GORAB: variants seen among roughly 807,000 people sequenced by gnomAD.
The protein encoded by GORAB is RAB6-interacting golgin.
GORAB carries 17 observed loss-of-function variants against 29.9 expected under a neutral mutation model. The ratio of observed to expected loss-of-function variants is 0.57; its 90% CI spans 0.39 to 0.85. The LOEUF (loss-of-function observed/expected upper bound fraction) is 0.85, where lower values mean the gene tolerates loss of function less well. Ranked by LOEUF, GORAB falls within the 40% of genes least tolerant of loss-of-function variation. The pLI, the probability that GORAB is intolerant of heterozygous loss-of-function variation, is 0.00. For missense variants in GORAB, 442 were observed against 437.8 expected (o/e 1.01, Z -0.09); for synonymous variants, 183 against 157.2 (o/e 1.16, Z -1.23).
intron 1 of GORAB, chr1:170,533,509 G>A (rs761524859): frequency 2.2e-6 from 1 of 452,556 alleles, no homozygotes; most frequent in South Asian, 1.6e-5. Flanking sequence ...AGACTCATGA[G>A]GAGACAAACC....
chr1:170,539,392 TC>T lies in GORAB; in HGVS notation c.248del (p.Pro83LeufsTer73). On this transcript the variant is annotated frameshift_variant, in exon 2 of 5. Transcript: ENST00000367763. LOFTEE classifies it high-confidence loss of function. Reference protein sequence around the residue: ...RVNVQKPPFSSPTLPSHFTLT... With the variant: ...RVNVQKPPFSXPTLPSHFTLT... ...TAACGTTCAAAAACCACCTTTTTCT[TC>T]CCCTACTCTTCCGAGTCATTTCACT... 6.2e-7 allele frequency: 1 copy of T among 1,614,082 alleles called. No homozygotes were observed. The highest frequency in any genetic ancestry group is 8.5e-7 in the Non-Finnish European group (1 of 1,180,006).
At position 170,541,890 on chromosome 1, in the gene GORAB, A is replaced by C. The variant is rs941168859; in HGVS notation, c.420-601A>C. On this transcript the variant is annotated intron_variant, in intron 2 of 4. Transcript: ENST00000367763. ...CACTTAGGGAGGCAGAGGCGGGAGG[A>C]TAGCTTGAGCCTAGGAGTTCGAGAC... 2.0e-5 allele frequency among the ~76,000 whole-genome samples: 3 copies of C among 152,224 alleles called. No individual in the cohort carries two copies. In the South Asian group the frequency reaches 6.2e-4, roughly 32 times the overall value.
rs1167443602 is a variant in GORAB, at chr1:170,553,124, G to A, written c.*662G>A. ...CACACACACTTATATATAAACACAT[G>A]TAATTTTACTATTTTATTGTCTTTC... On this transcript the variant is annotated 3_prime_UTR_variant, in exon 5 of 5. Transcript: ENST00000367763. 2 of 441,184 alleles carry A rather than the reference G, an allele frequency of 4.5e-6. No homozygotes were observed. Among genetic ancestry groups the A allele is most frequent in the East Asian group, 7.0e-5 (1 of 14,300 alleles). The allele number at this position is 441,184 out of a possible 1,614,324, so 27.3% of individuals were successfully genotyped here. A position where few individuals can be genotyped will look rare whatever the true frequency, so the allele number is the denominator to read the frequency against.
chr1:170,548,604 T>G (rs1252266561), intron 4 of GORAB, among the ~76,000 whole-genome samples: 1 of 152,218 alleles, frequency 6.6e-6, no homozygotes, highest in Non-Finnish European at 1.5e-5. Context: ...AAATGGTGTT[T>G]TCAGTCTTCT....
chr1:170,552,059 T>G lies in GORAB; in HGVS notation c.707T>G (p.Leu236Arg). ...RAEAEYIAAK[L>R]DIQRKTEIKE... ...GAAGCAGAGTACATTGCAGCAAAGC[T>G]AGATATACAGCGCAAGACTGAGATA... Residue 236 changes from leucine (L) to arginine (R), a missense_variant, in exon 5 of 5, where the codon CTA becomes CGA. Coordinates refer to ENST00000367763, the MANE Select transcript of GORAB (RefSeq NM_152281.3). 6.2e-7 allele frequency: 1 copy of G among 1,614,038 alleles called. No homozygotes were observed. Among genetic ancestry groups the G allele is most frequent in the Non-Finnish European group, 8.5e-7 (1 of 1,179,952 alleles).
At position 170,552,171 on chromosome 1, in the gene GORAB, A is replaced by G; in HGVS notation, c.819A>G (p.Gln273=). Residue 273 remains glutamine, a synonymous_variant, in exon 5 of 5, where the codon CAA becomes CAG. Coordinates refer to ENST00000367763, the MANE Select transcript of GORAB (RefSeq NM_152281.3). ...KAKKLEELMQ[Q]LDVEADEETL... ...AGAAGTTGGAGGAGTTGATGCAACA[A>G]CTAGATGTAGAAGCCGATGAAGAGA... is the stretch of plus-strand genomic sequence containing the variant. 1 of 1,614,140 alleles carries G rather than the reference A, an allele frequency of 6.2e-7. No individual in the cohort carries two copies. Among genetic ancestry groups the G allele is most frequent in the Non-Finnish European group, 8.5e-7 (1 of 1,180,004 alleles).
intron 1 of GORAB, among the ~76,000 whole-genome samples, chr1:170,535,359 T>A (rs903586159): frequency 6.6e-6 from 1 of 152,180 alleles, no homozygotes; most frequent in Non-Finnish European, 1.5e-5. Flanking sequence ...ATGCATATAT[T>A]TGATGTATGG....
In GORAB at chr1:170,532,270, T is replaced by C; in HGVS notation, c.47T>C (p.Leu16Pro). 2 of 1,614,018 alleles carry C rather than the reference T, an allele frequency of 1.2e-6. No individual in the cohort carries two copies. Among genetic ancestry groups the C allele is most frequent in the South Asian group, 1.1e-5 (1 of 91,072 alleles). ...AGFSEEELRR[L>P]KQTKDPFEPQ... ...TTCTCTGAGGAGGAACTGAGGAGACTAAAGCAGACTAAAGGTTACAAGATG... is the reference window on the plus strand; with the variant it reads ...TTCTCTGAGGAGGAACTGAGGAGACCAAAGCAGACTAAAGGTTACAAGATG... The change falls in exon 1 of 5, where the codon CTA becomes CCA. Residue 16 changes from leucine (L) to proline (P), a missense_variant. Transcript: ENST00000367763.
At position 170,552,508 on chromosome 1, in the gene GORAB, C is replaced by T. The variant is rs540070077; in HGVS notation, c.*46C>T. 64 of 1,497,512 alleles carry T rather than the reference C, an allele frequency of 4.3e-5. No individual in the cohort carries two copies. The South Asian group carries it at 5.8e-4, about 13-fold the overall frequency. The allele number at this position is 1,497,512 out of a possible 1,614,324, so 92.8% of individuals were successfully genotyped here. A position where few individuals can be genotyped will look rare whatever the true frequency, so the allele number is the denominator to read the frequency against. On this transcript the variant is annotated 3_prime_UTR_variant, in exon 5 of 5. Coordinates refer to ENST00000367763, the MANE Select transcript of GORAB (RefSeq NM_152281.3). ...CTAATATGGTATTGAGTAAAGTATA[C>T]TTTTTGCAGTAGATCATGCCCTGAC...
At chr1:170,544,499 TAC>T in intron 3 of GORAB, 1 of 455,896 alleles carries the variant, frequency 2.2e-6, no homozygotes, top group Non-Finnish European at 3.9e-6. Flanking sequence ...ACTTATTTGT[TAC>T]TTTATGAAAC....
At chr1:170,541,193 G>A (rs180822667) in intron 2 of GORAB, among the ~76,000 whole-genome samples, 275 of 87,362 alleles carry the variant, frequency 3.1e-3, no homozygotes, top group Non-Finnish European at 4.6e-3. Flanking sequence ...AACAGAGCAA[G>A]ATTCTGTCCC....
intron 1 of GORAB, chr1:170,533,486 G>A (rs1347150994): frequency 4.6e-6 from 2 of 434,280 alleles, no homozygotes; most frequent in Non-Finnish European, 9.5e-6. Context: ...CTGGCCTCTG[G>A]TCTGACTCCA....
chr1:170,546,823 A>G (rs900078366), intron 4 of GORAB, among the ~76,000 whole-genome samples: 3 of 151,996 alleles, frequency 2.0e-5, no homozygotes, highest in Admixed American at 1.3e-4. Context: ...TAGCCCAACT[A>G]TAGGTGCCCA....
chr1:170,544,960 A>G lies in GORAB; in HGVS notation c.662+115A>G, dbSNP rs911142892. 9 of 1,477,584 alleles carry G rather than the reference A, an allele frequency of 6.1e-6. No homozygotes were observed. In the South Asian group the frequency reaches 9.0e-5, roughly 15 times the overall value. 91.5% of individuals were successfully genotyped at this position (1,477,584 alleles called of 1,614,324 possible). On this transcript the variant is annotated intron_variant, in intron 4 of 4. Coordinates refer to ENST00000367763, the MANE Select transcript of GORAB (RefSeq NM_152281.3). ...TTGAAGCCTCAAAACAACCCCATTCAGTGCTGTATTTATTCTTCTTTTGTG... is the reference window on the plus strand; with the variant it reads ...TTGAAGCCTCAAAACAACCCCATTCGGTGCTGTATTTATTCTTCTTTTGTG...
chr1:170,543,150 C>G (rs188993849), intron 3 of GORAB, among the ~76,000 whole-genome samples: 1 of 152,134 alleles, frequency 6.6e-6, no homozygotes, highest in African/African-American at 2.4e-5. Flanking sequence ...ATTTTTCTTT[C>G]ACCTTCCAGT....
At position 170,553,406 on chromosome 1, in the gene GORAB, A is replaced by C; in HGVS notation, c.*944A>C. ...TAGTACTTGACCAATACATTGTGCT[A>C]TATGTAAATGTGTAAATAAATATTG... On this transcript the variant is annotated 3_prime_UTR_variant, in exon 5 of 5. Transcript: ENST00000367763. The C allele has an allele frequency of 2.2e-6, 1 of 450,422 alleles. No individual in the cohort carries two copies. The highest frequency in any genetic ancestry group is 4.4e-6 in the Non-Finnish European group (1 of 225,834). 27.9% of individuals were successfully genotyped at this position (450,422 alleles called of 1,614,324 possible).
intron 3 of GORAB, among the ~76,000 whole-genome samples, chr1:170,543,146 C>G (rs1649539363): frequency 3.3e-5 from 5 of 152,134 alleles, no homozygotes. Context: ...TTCAATTTTT[C>G]TTTCACCTTC....
chr1:170,541,884 G>A (rs1374823001), intron 2 of GORAB, among the ~76,000 whole-genome samples: 1 of 152,042 alleles, frequency 6.6e-6, no homozygotes, highest in Admixed American at 6.6e-5. Context: ...AGGCAGAGGC[G>A]GGAGGATAGC....
At chr1:170,532,411 C>G in intron 1 of GORAB, 127 bp downstream of exon 1, 3 of 1,021,444 alleles carry the variant, frequency 2.9e-6, no homozygotes, top group Non-Finnish European at 4.6e-6. Context: ...GCTGTAAGTA[C>G]GTGGACTGGA....
Sources: gnomAD v4.1 joint callset for allele counts (sites outside exome capture counted in the v4.1 genomes callset) on GRCh38, gnomAD v4.1.1 for gene constraint, MANE v1.5 for transcripts, NCBI Gene and HGNC (gene_info 2026-07-23, HGNC 2026-07-21) for gene names.